Variants in GCSAML observed in about 807,000 individuals in gnomAD.
GCSAML encodes the protein germinal center-associated signaling and motility-like protein.
A neutral mutation model predicts 13.0 loss-of-function variants in GCSAML; 9 were observed. The observed-to-expected ratio is 0.69, with a 90% CI of 0.42 to 1.21. GCSAML has a LOEUF of 1.21. Ranked by LOEUF, GCSAML falls within the 50% of genes most tolerant of loss-of-function variation. The pLI, the probability that GCSAML is intolerant of heterozygous loss-of-function variation, is 0.00. For synonymous variants in GCSAML, 37 were observed against 52.9 expected (o/e 0.70, Z 1.31); for missense variants, 143 against 153.4 (o/e 0.93, Z 0.36).
At chr1:247,532,368 C>T (rs1425965887) in intron 2 of GCSAML, 2 of 1,614,034 alleles carry the variant, frequency 1.2e-6, no homozygotes, top group South Asian at 1.1e-5. Context: ...TATGGGAGAC[C>T]AGAATGATGA....
chr1:247,533,695 G>A (rs1667101690), intron 2 of GCSAML: 2 of 152,150 alleles, frequency 1.3e-5, no homozygotes, highest in Admixed American at 1.3e-4. Context: ...CTGTCCATAT[G>A]GCTTTGAACC....
At chr1:247,511,608 A>G (rs887990257) in intron 1 of GCSAML, among the ~76,000 whole-genome samples, 2 of 152,200 alleles carry the variant, frequency 1.3e-5, no homozygotes, top group East Asian at 1.9e-4. Context: ...GTTTCTTTAT[A>G]GTGTCAACGG....
intron 2 of GCSAML, chr1:247,532,670 C>T (rs1052341089): frequency 6.7e-5 from 48 of 715,960 alleles, no homozygotes; most frequent in African/African-American, 1.2e-4. Context: ...CTGTGTTGCC[C>T]GGGCTAACTT....
chr1:247,558,420 A>G (rs533283771), intron 2 of GCSAML, among the ~76,000 whole-genome samples: 1 of 152,322 alleles, frequency 6.6e-6, no homozygotes, highest in South Asian at 2.1e-4. Flanking sequence ...GAGGTATAGT[A>G]CAGTAAAATT....
At chr1:247,553,980 T>C (rs1180431686) in intron 1 of GCSAML, among the ~76,000 whole-genome samples, 2 of 152,372 alleles carry the variant, frequency 1.3e-5, no homozygotes, top group East Asian at 1.9e-4. Context: ...AGTTAACTTA[T>C]ATTTTATTGA....
intron 3 of GCSAML, among the ~76,000 whole-genome samples, chr1:247,564,183 C>T (rs1311065594): frequency 6.6e-6 from 1 of 152,114 alleles, no homozygotes; most frequent in African/African-American, 2.4e-5. Context: ...CCACCTGCCT[C>T]AGCCTCCGAA....
chr1:247,526,021 C>T lies in GCSAML; in HGVS notation c.-262-919C>T, dbSNP rs1046849613. 1.3e-5 allele frequency: 2 copies of T among 152,150 alleles called. No individual in the cohort carries two copies. The highest frequency in any genetic ancestry group is 4.8e-5 in the African/African-American group (2 of 41,434). 9.4% of individuals were successfully genotyped at this position (152,150 alleles called of 1,614,324 possible). ...CTAAAATTTATCTTGAGCTACTAGT[C>T]AAGTTTGCAAGGATTTCAATACACA... is the stretch of plus-strand genomic sequence containing the variant. On this transcript the variant is annotated intron_variant, in intron 1 of 5. Coordinates refer to the GCSAML transcript ENST00000366489. This position sits in a 1 kb window ranked among gnomAD's most constrained non-coding sequence, Gnocchi z 4.8.
Position 247,574,370 on chromosome 1 carries a change from G to A in GCSAML, c.396G>A (p.Val132=). 6.2e-7 allele frequency: 1 copy of A among 1,613,996 alleles called. No homozygotes were observed. Among genetic ancestry groups the A allele is most frequent in the Non-Finnish European group, 8.5e-7 (1 of 1,179,962 alleles). Reference sequence around the variant, plus strand: ...CCCATGAGCATGATTATGAAGTTGTGTTTCCACACTAAAATCCTCAAGCTG... The same window carrying A: ...CCCATGAGCATGATTATGAAGTTGTATTTCCACACTAAAATCCTCAAGCTG... ...SCTHEHDYEV[V]FPH is the part of the protein sequence containing the mutation. The change falls in exon 5 of 5, where the codon GTG becomes GTA. Residue 132 remains valine, a synonymous_variant. Transcript: ENST00000366488.
At chr1:247,558,119 G>A (rs898376412) in intron 2 of GCSAML, among the ~76,000 whole-genome samples, 1 of 152,164 alleles carries the variant, frequency 6.6e-6, no homozygotes, top group Non-Finnish European at 1.5e-5. Flanking sequence ...GAAATTTTAG[G>A]AGCACGACTC....
rs568043315 is a variant in GCSAML, at chr1:247,522,187, C to T, written c.-262-4753C>T. On this transcript the variant is annotated intron_variant, in intron 1 of 5. Coordinates refer to the GCSAML transcript ENST00000366489. ...AGTGAGGAGCGTCTCCGCCCGGCAG[C>T]CGCCCTGTCTGGGAGGTGGGGGGCA... Among the ~76,000 whole-genome samples the T allele has an allele frequency of 1.6e-3, 239 of 151,692 alleles. 2 individuals are homozygous for T. The highest frequency in any genetic ancestry group is 5.5e-3 in the African/African-American group (227 of 41,438).
At chr1:247,560,994 C>G (rs1277458474) in intron 2 of GCSAML, among the ~76,000 whole-genome samples, 1 of 152,054 alleles carries the variant, frequency 6.6e-6, no homozygotes, top group Non-Finnish European at 1.5e-5. Context: ...ACTGTTGTCA[C>G]TGGGGCTGGA....
chr1:247,563,449 C>A, intron 2 of GCSAML, 141 bp from the exon 3 acceptor site: 2 of 524,938 alleles, frequency 3.8e-6, no homozygotes, highest in Non-Finnish European at 6.9e-6. Context: ...CTGGAGTAAG[C>A]AGCCTTTTAA....
chr1:247,548,490 C>CT (rs937404645), upstream of GCSAML, among the ~76,000 whole-genome samples: 2 of 152,160 alleles, frequency 1.3e-5, no homozygotes, highest in African/African-American at 2.4e-5. This position sits in a 1 kb window ranked among gnomAD's most constrained non-coding sequence, Gnocchi z 5.3. Context: ...TATTCTCATC[C>CT]TTTTTTTTCC....
chr1:247,532,755 G>T, intron 2 of GCSAML: 1 of 510,988 alleles, frequency 2.0e-6, no homozygotes, highest in African/African-American at 1.9e-5. Flanking sequence ...GTACTACCAT[G>T]TCTGGCTAAA....
intron 1 of GCSAML, among the ~76,000 whole-genome samples, chr1:247,550,614 G>A (rs1667745306): frequency 6.6e-6 from 1 of 151,980 alleles, no homozygotes; most frequent in Admixed American, 6.6e-5. Flanking sequence ...TCCAGCCTGG[G>A]CGACAGAGCA....
At chr1:247,514,857 G>T (rs191131563) in intron 1 of GCSAML, among the ~76,000 whole-genome samples, 4 of 152,278 alleles carry the variant, frequency 2.6e-5, no homozygotes, top group African/African-American at 9.6e-5. Flanking sequence ...CTGTTTTGGT[G>T]ACTACTGCCT....
chr1:247,550,640 T>TAAAC (rs1667748098), intron 1 of GCSAML, among the ~76,000 whole-genome samples: 6 of 141,934 alleles, frequency 4.2e-5, no homozygotes, highest in Admixed American at 4.1e-4. Context: ...CTGTCTCAAA[T>TAAAC]AAACAAACAA....
chr1:247,550,621 A>G (rs1380727440), intron 1 of GCSAML, among the ~76,000 whole-genome samples: 2 of 151,724 alleles, frequency 1.3e-5, no homozygotes, highest in African/African-American at 4.9e-5. Context: ...TGGGCGACAG[A>G]GCAAGACTCT....
At chr1:247,547,679 C>A (rs902747054), upstream of GCSAML, among the ~76,000 whole-genome samples, 6 of 152,070 alleles carry the variant, frequency 3.9e-5, no homozygotes, top group Non-Finnish European at 7.3e-5. Flanking sequence ...TCAGAGATGC[C>A]GGTGTTTCTG....
Sources: allele counts gnomAD v4.1 joint callset (sites outside exome capture counted in the v4.1 genomes callset), GRCh38; gene constraint gnomAD v4.1.1; non-coding constraint Gnocchi (gnomAD v3.1); transcripts MANE v1.5; gene names NCBI Gene and HGNC (gene_info 2026-07-23, HGNC 2026-07-21).